TRAPPC9: variants seen among roughly 807,000 people sequenced by gnomAD.
The protein encoded by TRAPPC9 is IKK2 binding protein.
In TRAPPC9, 83 loss-of-function variants were observed where a neutral mutation model predicts 124.0. The ratio of observed to expected loss-of-function variants is 0.67; its 90% CI spans 0.56 to 0.80. The LOEUF is 0.80. Among genes scored for constraint, TRAPPC9 ranks in the 30% least tolerant of loss-of-function variants. The pLI is 0.00. For synonymous variants in TRAPPC9, 638 were observed against 617.5 expected, an observed-to-expected ratio of 1.03 and a Z score of -0.49; for missense variants, 1,302 against 1,508.3, an observed-to-expected ratio of 0.86 and a Z score of 2.27.
At chr8:139,886,586 T>C (rs1423854915) in intron 20 of TRAPPC9, among the ~76,000 whole-genome samples, 1 of 152,224 alleles carries the variant, frequency 6.6e-6, no homozygotes, top group Non-Finnish European at 1.5e-5. Flanking sequence ...CCTCTTTCCC[T>C]TTTCCTACAT....
intron 17 of TRAPPC9, among the ~76,000 whole-genome samples, chr8:140,051,826 T>C (rs889367519): frequency 1.6e-4 from 24 of 152,136 alleles, no homozygotes; most frequent in Non-Finnish European, 2.4e-4. Flanking sequence ...AGAGCAGACA[T>C]CTAGACTCAT....
At chr8:139,816,871 A>G (rs1430320361) in intron 21 of TRAPPC9, among the ~76,000 whole-genome samples, 1 of 151,784 alleles carries the variant, frequency 6.6e-6, no homozygotes, top group Non-Finnish European at 1.5e-5. Context: ...GCCCGCCCTC[A>G]CTGCACATGC....
intron 7 of TRAPPC9, among the ~76,000 whole-genome samples, chr8:140,380,385 G>A (rs1037559929): frequency 3.9e-5 from 6 of 152,244 alleles, no homozygotes; most frequent in East Asian, 1.9e-4. Context: ...CTGGCATGGC[G>A]GCTCACGGCT....
intron 21 of TRAPPC9, among the ~76,000 whole-genome samples, chr8:139,814,825 T>C (rs1162761291): frequency 6.6e-6 from 1 of 152,164 alleles, no homozygotes; most frequent in Non-Finnish European, 1.5e-5. Flanking sequence ...ACAGAAGGTG[T>C]GGTTTCAGAA....
At chr8:139,773,481 G>A (rs1227751739) in intron 21 of TRAPPC9, among the ~76,000 whole-genome samples, 1 of 152,208 alleles carries the variant, frequency 6.6e-6, no homozygotes, top group African/African-American at 2.4e-5. Flanking sequence ...GGAAATGGAG[G>A]CGATGATGGG....
chr8:139,916,618 T>C (rs947300856), intron 19 of TRAPPC9: 3 of 152,254 alleles, frequency 2.0e-5, no homozygotes, highest in Admixed American at 1.3e-4. Context: ...AATACTATTA[T>C]TGAATGCCAA....
chr8:139,945,138 TAAAGAAATAA>T (rs1834128687), intron 19 of TRAPPC9, among the ~76,000 whole-genome samples: 2 of 151,730 alleles, frequency 1.3e-5, no homozygotes, highest in Admixed American at 1.3e-4. Flanking sequence ...ATAATAATAA[TAAAGAAATAA>T]ATAGTAAAAC....
At chr8:140,190,806 A>G (rs769725079) in intron 17 of TRAPPC9, among the ~76,000 whole-genome samples, 33 of 152,202 alleles carry the variant, frequency 2.2e-4, no homozygotes, top group Non-Finnish European at 4.3e-4. Context: ...GCCAAGTTTC[A>G]TTGCCCAGCC....
chr8:140,141,899 T>C (rs2061387474), intron 17 of TRAPPC9, among the ~76,000 whole-genome samples: 1 of 152,238 alleles, frequency 6.6e-6, no homozygotes, highest in Admixed American at 6.5e-5. Flanking sequence ...TTATTCACTG[T>C]TGAAACATAA....
chr8:139,874,067 C>T (rs995785622), intron 21 of TRAPPC9, among the ~76,000 whole-genome samples: 19 of 152,236 alleles, frequency 1.2e-4, no homozygotes, highest in African/African-American at 2.4e-4. Context: ...GCCACAGGCA[C>T]GCACGCTGCA....
intron 21 of TRAPPC9, among the ~76,000 whole-genome samples, chr8:139,842,891 T>A (rs1387280987): frequency 6.6e-6 from 1 of 152,158 alleles, no homozygotes; most frequent in African/African-American, 2.4e-5. Flanking sequence ...ACCCCTCTAA[T>A]CTTAAGCAGA....
intron 17 of TRAPPC9, among the ~76,000 whole-genome samples, chr8:140,089,421 T>G (rs933988908): frequency 2.0e-5 from 3 of 152,204 alleles, no homozygotes; most frequent in Admixed American, 1.3e-4. Context: ...TGTAACCAGA[T>G]GCATTAAGTC....
intron 13 of TRAPPC9, among the ~76,000 whole-genome samples, chr8:140,286,014 G>A (rs183797739): frequency 2.6e-5 from 4 of 152,322 alleles, no homozygotes; most frequent in South Asian, 4.1e-4. Flanking sequence ...CGAGACACAC[G>A]AGGCCAGCAA....
chr8:140,174,385 T>A (rs373029545), intron 17 of TRAPPC9, among the ~76,000 whole-genome samples: 2 of 151,740 alleles, frequency 1.3e-5, no homozygotes, highest in Admixed American at 6.6e-5. Flanking sequence ...ACGTAAAAGT[T>A]AAAAAATAAA....
intron 9 of TRAPPC9, among the ~76,000 whole-genome samples, chr8:140,321,963 C>T (rs1225866310): frequency 2.0e-5 from 3 of 152,150 alleles, no homozygotes; most frequent in African/African-American, 4.8e-5. Context: ...AGAGAACAAC[C>T]GAGATTCCTC....
At chr8:140,285,819 C>T (rs374993064) in intron 13 of TRAPPC9, among the ~76,000 whole-genome samples, 21 of 152,240 alleles carry the variant, frequency 1.4e-4, no homozygotes, top group African/African-American at 4.3e-4. Flanking sequence ...CAGAGTCATT[C>T]GCTCCCACGG....
intron 11 of TRAPPC9, among the ~76,000 whole-genome samples, chr8:140,295,537 A>C (rs946162359): frequency 6.6e-6 from 1 of 152,184 alleles, no homozygotes; most frequent in East Asian, 1.9e-4. Context: ...AAATGACAGA[A>C]GGCCTTCAAC....
chr8:139,769,989 C>T (rs529699069), intron 21 of TRAPPC9, among the ~76,000 whole-genome samples: 9 of 152,326 alleles, frequency 5.9e-5, no homozygotes, highest in South Asian at 4.1e-4. Context: ...ACTGGGGGCA[C>T]GGGGCAGGCA....
chr8:140,270,444 A>G (rs955504918), intron 15 of TRAPPC9, among the ~76,000 whole-genome samples: 10 of 152,222 alleles, frequency 6.6e-5, no homozygotes, highest in South Asian at 2.1e-4. Flanking sequence ...TCCGTCACCA[A>G]TTACTCGGTA....
Sources: allele counts gnomAD v4.1 joint callset (sites outside exome capture counted in the v4.1 genomes callset), GRCh38; gene constraint gnomAD v4.1.1; transcripts MANE v1.5; gene names NCBI Gene and HGNC (gene_info 2026-07-23, HGNC 2026-07-21).